The following FARP1 variants were observed in gnomAD, a reference collection of about 807,000 sequenced individuals.
The protein encoded by FARP1 is FERM, ARH/RhoGEF and pleckstrin domain protein 1.
FARP1 carries 52 observed loss-of-function variants against 128.8 expected under a neutral mutation model. The ratio of observed to expected loss-of-function variants is 0.40; its 90% CI spans 0.32 to 0.51. The LOEUF (loss-of-function observed/expected upper bound fraction) is 0.51, where lower values mean the gene tolerates loss of function less well. FARP1 is among the 20% of genes least tolerant of loss of function. FARP1 has a pLI of 0.45. For synonymous variants in FARP1, 580 were observed against 551.8 expected (o/e 1.05, Z -0.72); for missense variants, 1,333 against 1,367.9 (o/e 0.97, Z 0.40).
intron 13 of FARP1, among the ~76,000 whole-genome samples, chr13:98,408,812 C>A (rs966821639): frequency 6.6e-6 from 1 of 152,214 alleles, no homozygotes; most frequent in Non-Finnish European, 1.5e-5. Flanking sequence ...AATGACATCA[C>A]CAGGTATAAC....
chr13:98,227,345 A>C (rs554749139), intron 2 of FARP1, among the ~76,000 whole-genome samples: 1 of 152,116 alleles, frequency 6.6e-6, no homozygotes, highest in East Asian at 1.9e-4. Flanking sequence ...CCTAGCATTC[A>C]CTCAGGCTTC....
At chr13:98,249,581 C>T (rs1457886479) in intron 2 of FARP1, among the ~76,000 whole-genome samples, 3 of 152,070 alleles carry the variant, frequency 2.0e-5, no homozygotes, top group Non-Finnish European at 4.4e-5. Context: ...TGTGTTTCCC[C>T]ACCATGTTCT....
At chr13:98,236,005 G>T (rs1882392965) in intron 2 of FARP1, among the ~76,000 whole-genome samples, 1 of 152,020 alleles carries the variant, frequency 6.6e-6, no homozygotes, top group African/African-American at 2.4e-5. Flanking sequence ...TGTATTTTTA[G>T]TAGAAAAGGG....
chr13:98,452,468 G>A lies in FARP1; in HGVS notation c.*4151G>A, dbSNP rs1893246942. 1 of 152,610 alleles carries A rather than the reference G, an allele frequency of 6.6e-6. No individual in the cohort carries two copies. Among genetic ancestry groups the A allele is most frequent in the East Asian group, 1.9e-4 (1 of 5,198 alleles). 9.5% of individuals were successfully genotyped at this position (152,610 alleles called of 1,614,324 possible). A position where few individuals can be genotyped will look rare whatever the true frequency, so the allele number is the denominator to read the frequency against. ...CCAAAAGGGGCGTAGGGCAAACGGG[G>A]AAAATTTGCATTTGTTGAGGTACAA... On this transcript the variant is annotated 3_prime_UTR_variant, in exon 27 of 27. Transcript: ENST00000319562.
intron 2 of FARP1, among the ~76,000 whole-genome samples, chr13:98,336,037 T>A (rs1036333890): frequency 6.6e-6 from 1 of 152,322 alleles, no homozygotes; most frequent in Admixed American, 6.5e-5. Context: ...ATGAGATGAT[T>A]TCCACAAGGC....
At chr13:98,152,865 A>G (rs1250672185) in intron 1 of FARP1, among the ~76,000 whole-genome samples, 1 of 152,192 alleles carries the variant, frequency 6.6e-6, no homozygotes, top group African/African-American at 2.4e-5. Context: ...AACTGAGTCT[A>G]CATGAATTTC....
chr13:98,260,968 C>G (rs1239670697), intron 2 of FARP1, among the ~76,000 whole-genome samples: 1 of 152,160 alleles, frequency 6.6e-6, no homozygotes, highest in Non-Finnish European at 1.5e-5. Flanking sequence ...GGGAGACTTG[C>G]AGGATCCTGG....
intron 2 of FARP1, among the ~76,000 whole-genome samples, chr13:98,338,047 A>G (rs1252634548): frequency 2.6e-5 from 4 of 152,150 alleles, no homozygotes; most frequent in Non-Finnish European, 5.9e-5. Context: ...TGCATTGTGA[A>G]TTACCGTTTT....
chr13:98,361,527 G>A (rs1299381065), intron 3 of FARP1, among the ~76,000 whole-genome samples: 2 of 152,296 alleles, frequency 1.3e-5, no homozygotes, highest in Non-Finnish European at 2.9e-5. Context: ...TGGCCACCCT[G>A]GCAGTGGCAA....
intron 3 of FARP1, among the ~76,000 whole-genome samples, chr13:98,364,391 G>T (rs569389364): frequency 6.6e-6 from 1 of 152,116 alleles, no homozygotes; most frequent in Non-Finnish European, 1.5e-5. Context: ...TTAATGGGTG[G>T]AAATGGTATT....
At chr13:98,244,186 A>G (rs1419446556) in intron 2 of FARP1, among the ~76,000 whole-genome samples, 3 of 152,206 alleles carry the variant, frequency 2.0e-5, no homozygotes, top group African/African-American at 7.2e-5. Context: ...AGTGATGAAA[A>G]TACAGTCCAT....
intron 2 of FARP1, among the ~76,000 whole-genome samples, chr13:98,327,667 C>T (rs1887293776): frequency 6.6e-6 from 1 of 152,164 alleles, no homozygotes; most frequent in African/African-American, 2.4e-5. Flanking sequence ...ATTCCAAGAC[C>T]CCAGTGGATG....
chr13:98,296,514 A>C (rs1594370947), intron 2 of FARP1, among the ~76,000 whole-genome samples: 8 of 150,164 alleles, frequency 5.3e-5, no homozygotes, highest in South Asian at 2.1e-4. Flanking sequence ...GAAGACAGGG[A>C]CCCCCCGCTC....
At chr13:98,379,219 ATAATC>A (rs1008275697) in intron 6 of FARP1, among the ~76,000 whole-genome samples, 1 of 128,872 alleles carries the variant, frequency 7.8e-6, no homozygotes, top group Non-Finnish European at 1.6e-5. Flanking sequence ...TATATAATAT[ATAATC>A]TATCTATATA....
chr13:98,252,688 A>G (rs569206670), intron 2 of FARP1, among the ~76,000 whole-genome samples: 108 of 152,324 alleles, frequency 7.1e-4, no homozygotes, highest in African/African-American at 2.6e-3. Context: ...CTTTGTCTTT[A>G]ATACCCACCC....
chr13:98,395,301 G>A lies in FARP1; in HGVS notation c.1239G>A (p.Lys413=). The change falls in exon 13 of 27, where the codon AAG becomes AAA. Residue 413 remains lysine (K), a synonymous_variant. Coordinates refer to ENST00000319562, the MANE Select transcript of FARP1 (RefSeq NM_005766.4). The part of the protein sequence containing the change: ...SPGGQSCRRG[K]EPKVSAGEPG... The stretch of plus-strand genomic sequence containing the variant: ...GGGGCCAGAGCTGCCGGCGAGGAAA[G>A]GAACCGAAGGTTTCCGCCGGGGAGC... 1 of 1,609,710 alleles carries A rather than the reference G, an allele frequency of 6.2e-7. No homozygotes were observed. Among genetic ancestry groups the A allele is most frequent in the African/African-American group, 1.3e-5 (1 of 75,020 alleles).
Position 98,241,378 on chromosome 13 carries a change from C to T in FARP1, c.171+27965C>T, listed in dbSNP as rs1213567308. Among the ~76,000 whole-genome samples, 11 of 152,254 alleles carry T rather than the reference C, an allele frequency of 7.2e-5. No homozygotes were observed. In the South Asian group the frequency reaches 8.3e-4, roughly 11 times the overall value. The stretch of plus-strand genomic sequence containing the variant: ...TTTTGATGGGCAAGGCCCTTAAATA[C>T]GGCATGTTGCACACGATGGGGTGGA... On this transcript the variant is annotated intron_variant, in intron 2 of 26. Coordinates refer to ENST00000319562, the MANE Select transcript of FARP1 (RefSeq NM_005766.4).
intron 1 of FARP1, among the ~76,000 whole-genome samples, chr13:98,191,293 A>G (rs1879213153): frequency 6.6e-6 from 1 of 152,172 alleles, no homozygotes. Flanking sequence ...GACTGGGTGA[A>G]ACGAGCACTG....
At chr13:98,291,570 A>G (rs1885446161) in intron 2 of FARP1, among the ~76,000 whole-genome samples, 1 of 152,188 alleles carries the variant, frequency 6.6e-6, no homozygotes, top group African/African-American at 2.4e-5. Context: ...CTGCAAAGGA[A>G]CTATCATGAG....
Sources: allele counts gnomAD v4.1 joint callset (sites outside exome capture counted in the v4.1 genomes callset), GRCh38; gene constraint gnomAD v4.1.1; transcripts MANE v1.5; gene names NCBI Gene and HGNC (gene_info 2026-07-23, HGNC 2026-07-21).